The following PTPN14 variants were observed in gnomAD, a reference collection of about 807,000 sequenced individuals.
PTPN14 encodes protein tyrosine phosphatase non-receptor type 14.
Under a neutral mutation model 126.8 loss-of-function variants are expected in PTPN14, and 53 were observed. The observed-to-expected ratio is 0.42, with a 90% CI of 0.34 to 0.53. The LOEUF (loss-of-function observed/expected upper bound fraction) is 0.53. PTPN14 is among the 20% of genes least tolerant of loss of function. The pLI, the probability that PTPN14 is intolerant of heterozygous loss-of-function variation, is 0.08. For missense variants in PTPN14, 1,257 were observed against 1,552.9 expected (o/e 0.81, Z 3.20); for synonymous variants, 630 against 599.3 (o/e 1.05, Z -0.75).
At chr1:214,428,021 G>A (rs910978556) in intron 3 of PTPN14, among the ~76,000 whole-genome samples, 9 of 152,218 alleles carry the variant, frequency 5.9e-5, no homozygotes, top group Non-Finnish European at 1.2e-4. Context: ...GGGTTCTGAC[G>A]ACAGTAAGAT....
intron 18 of PTPN14, among the ~76,000 whole-genome samples, chr1:214,363,723 T>C (rs1215384362): frequency 6.6e-6 from 1 of 152,216 alleles, no homozygotes; most frequent in Non-Finnish European, 1.5e-5. Flanking sequence ...GACATGTTCA[T>C]GGCTCCTCTA....
chr1:214,480,734 C>T (rs1412078132), intron 1 of PTPN14, among the ~76,000 whole-genome samples: 1 of 152,186 alleles, frequency 6.6e-6, no homozygotes, highest in Admixed American at 6.5e-5. Context: ...ACTACAGAAA[C>T]ATTACTTGGC....
chr1:214,532,684 T>C (rs895721730), intron 1 of PTPN14: 3 of 813,130 alleles, frequency 3.7e-6, no homozygotes, highest in Admixed American at 1.7e-5. Context: ...TAGAGTCAAG[T>C]ATGAGACAGA....
At position 214,420,774 on chromosome 1, in the gene PTPN14, T is replaced by C. The variant is rs1659525672; in HGVS notation, c.345-6048A>G. On this transcript the variant is annotated intron_variant, in intron 3 of 18. Transcript: ENST00000366956. ...CTTCTTTCTGTCCTATCCTATGCTA[T>C]TGGGTACAGATTTCTTTATAGCAAT... 3.3e-5 allele frequency among the ~76,000 whole-genome samples: 5 copies of C among 152,364 alleles called. 1 individual carries two copies. The Middle Eastern group carries it at 0.01, about 311-fold the overall frequency.
chr1:214,382,776 A>T (rs893980279), intron 13 of PTPN14, among the ~76,000 whole-genome samples: 3 of 152,262 alleles, frequency 2.0e-5, no homozygotes, highest in African/African-American at 7.2e-5. Context: ...TTATTTATCC[A>T]ATTACTAAGT....
Position 214,413,813 on chromosome 1 carries a change from C to T in PTPN14, c.442+816G>A, listed in dbSNP as rs529037243. ...CCTCCTGAGTAGCTGGAATTACAGG[C>T]GTGTGCCACCATGCTTGGCTAATTC... On this transcript the variant is annotated intron_variant, in intron 4 of 18. Transcript: ENST00000366956. Among the ~76,000 whole-genome samples, 9 of 152,260 alleles carry T rather than the reference C, an allele frequency of 5.9e-5. No individual in the cohort carries two copies. The South Asian group carries it at 6.2e-4, about 11-fold the overall frequency.
chr1:214,541,811 T>C (rs1352661156), intron 1 of PTPN14, among the ~76,000 whole-genome samples: 1 of 152,232 alleles, frequency 6.6e-6, no homozygotes, highest in East Asian at 1.9e-4. Flanking sequence ...GCTTATTGTA[T>C]TGTGCTGAGT....
At chr1:214,454,097 G>T (rs1321364918) in intron 2 of PTPN14, among the ~76,000 whole-genome samples, 1 of 152,204 alleles carries the variant, frequency 6.6e-6, no homozygotes, top group Admixed American at 6.5e-5. Context: ...ATGCCTAGGA[G>T]TGAGTCTCCA....
chr1:214,443,912 A>G (rs1660088777), intron 3 of PTPN14, among the ~76,000 whole-genome samples: 2 of 152,206 alleles, frequency 1.3e-5, no homozygotes, highest in African/African-American at 4.8e-5. Context: ...GACAAATTCA[A>G]ATAAACTTCT....
chr1:214,504,874 G>T (rs1373860144), intron 1 of PTPN14, among the ~76,000 whole-genome samples: 2 of 152,152 alleles, frequency 1.3e-5, no homozygotes, highest in African/African-American at 4.8e-5. Context: ...TAACAGGAAA[G>T]ACTTGGTACT....
chr1:214,415,678 C>A (rs1195215776), intron 3 of PTPN14, among the ~76,000 whole-genome samples: 1 of 152,130 alleles, frequency 6.6e-6, no homozygotes, highest in Admixed American at 6.5e-5. Context: ...GCTGGCTCTA[C>A]CATGTTGATG....
chr1:214,355,485 C>T lies in PTPN14; in HGVS notation c.*2437G>A, dbSNP rs1657796796. On this transcript the variant is annotated 3_prime_UTR_variant, in exon 19 of 19. Coordinates refer to ENST00000366956, the MANE Select transcript of PTPN14 (RefSeq NM_005401.5). ...AAGTATCTTTTTGCTTATTGATGAG[C>T]TTCTTATAATAAGGGTTATAAGCTC... 6.6e-6 allele frequency: 1 copy of T among 152,174 alleles called. No individual in the cohort carries two copies. The highest frequency in any genetic ancestry group is 2.1e-4 in the South Asian group (1 of 4,830). 9.4% of individuals were successfully genotyped at this position (152,174 alleles called of 1,614,324 possible). A position where few individuals can be genotyped will look rare whatever the true frequency, so the allele number is the denominator to read the frequency against.
In PTPN14 at chr1:214,449,011, C is replaced by CTTTTTTTT. The variant is rs71165970; in HGVS notation, c.344+2786_344+2793dup. On this transcript the variant is annotated intron_variant, in intron 3 of 18. Transcript: ENST00000366956. ...TGTGCCCTTGTAAGACTTAATTTTT[C>CTTTTTTTT]TTTTTTTTTTTTTGAGACGGAGTCT... is the stretch of plus-strand genomic sequence containing the variant. Among the ~76,000 whole-genome samples the CTTTTTTTT allele has an allele frequency of 1.4e-4, 16 of 112,468 alleles. 2 individuals carry two copies. The highest frequency in any genetic ancestry group is 6.0e-4 in the East Asian group (2 of 3,312). The allele number at this position is 112,468 out of a possible 152,430, so 73.8% of individuals were successfully genotyped here.
intron 1 of PTPN14, among the ~76,000 whole-genome samples, chr1:214,504,803 CAT>C (rs1451054192): frequency 6.6e-6 from 1 of 151,986 alleles, no homozygotes; most frequent in Admixed American, 6.5e-5. Context: ...GGTAAGGTAA[CAT>C]ACTGAATCTG....
chr1:214,372,978 C>G lies in PTPN14; in HGVS notation c.2908-139G>C. ...ATGAATTAGTTCAATGAACAAAAAC[C>G]CTGAGACTACAGAGGCTAGTGTAGT... On this transcript the variant is annotated intron_variant, in intron 15 of 18. Coordinates refer to ENST00000366956, the MANE Select transcript of PTPN14 (RefSeq NM_005401.5). 17 of 1,207,940 alleles carry G rather than the reference C, an allele frequency of 1.4e-5. No individual in the cohort carries two copies. In the South Asian group the frequency reaches 2.3e-4, roughly 16 times the overall value. The allele number at this position is 1,207,940 out of a possible 1,614,324, so 74.8% of individuals were successfully genotyped here.
At chr1:214,533,091 C>T in intron 1 of PTPN14, 2 of 736,176 alleles carry the variant, frequency 2.7e-6, no homozygotes, top group South Asian at 2.9e-5. Flanking sequence ...CGGTCCAGTC[C>T]TTGGAGATCG....
At chr1:214,439,798 A>C (rs114854745) in intron 3 of PTPN14, among the ~76,000 whole-genome samples, 3,090 of 152,318 alleles carry the variant, frequency 0.02, 46 homozygotes, top group Non-Finnish European at 0.033. Context: ...ACTCAGTGTC[A>C]TCTGAAAGCT....
chr1:214,530,462 C>G (rs1179700443), intron 1 of PTPN14: 1 of 151,412 alleles, frequency 6.6e-6, no homozygotes, highest in Non-Finnish European at 1.5e-5. Context: ...CCACCTCAGT[C>G]TCCAAAGAAG....
At chr1:214,450,205 C>T (rs1322477514) in intron 3 of PTPN14, among the ~76,000 whole-genome samples, 2 of 150,928 alleles carry the variant, frequency 1.3e-5, no homozygotes, top group Admixed American at 1.3e-4. Context: ...GGCGCAGTGG[C>T]TCACCCCTGT....
Sources: allele counts gnomAD v4.1 joint callset (sites outside exome capture counted in the v4.1 genomes callset), GRCh38; gene constraint gnomAD v4.1.1; transcripts MANE v1.5; gene names NCBI Gene and HGNC (gene_info 2026-07-23, HGNC 2026-07-21).